Variants in MAGI2 observed in about 807,000 individuals in gnomAD.
The protein encoded by MAGI2 is membrane associated guanylate kinase, WW and PDZ domain containing 2.
In MAGI2, 35 loss-of-function variants were observed where a neutral mutation model predicts 133.3. The observed-to-expected ratio is 0.26, with a 90% CI of 0.20 to 0.35. The LOEUF is 0.35. MAGI2 is among the 10% of genes least tolerant of loss of function. MAGI2 has a pLI of 1.00. For missense variants in MAGI2, 1,636 were observed against 1,863.4 expected (o/e 0.88, Z 2.25); for synonymous variants, 729 against 710.6 (o/e 1.03, Z -0.41).
At chr7:78,084,593 TGAG>T (rs2151200101) in intron 20 of MAGI2, among the ~76,000 whole-genome samples, 1 of 152,324 alleles carries the variant, frequency 6.6e-6, no homozygotes, top group East Asian at 1.9e-4. Flanking sequence ...GGAGACCAAA[TGAG>T]GCTTCAGTAC....
chr7:78,461,816 CAGG>C (rs1257643604), intron 6 of MAGI2, among the ~76,000 whole-genome samples: 1 of 145,614 alleles, frequency 6.9e-6, no homozygotes, highest in African/African-American at 2.5e-5. Flanking sequence ...GAGGCTGAGG[CAGG>C]AGAATTGCTT....
intron 9 of MAGI2, among the ~76,000 whole-genome samples, chr7:78,265,458 G>A (rs1005637694): frequency 2.6e-4 from 40 of 152,184 alleles, no homozygotes; most frequent in African/African-American, 9.4e-4. Flanking sequence ...TTTCTCTAAA[G>A]AATGTAGTGA....
At chr7:79,359,310 G>A (rs1387362655) in intron 1 of MAGI2, among the ~76,000 whole-genome samples, 1 of 151,988 alleles carries the variant, frequency 6.6e-6, no homozygotes, top group African/African-American at 2.4e-5. Context: ...ACAGTAGAGA[G>A]AAAATAAACT....
intron 3 of MAGI2, among the ~76,000 whole-genome samples, chr7:78,587,202 G>A (rs1468149001): frequency 6.6e-6 from 1 of 152,152 alleles, no homozygotes; most frequent in Non-Finnish European, 1.5e-5. Context: ...CACCAGAAAT[G>A]TACAAGAGTT....
chr7:78,406,983 A>G (rs753059261), intron 6 of MAGI2, among the ~76,000 whole-genome samples: 7 of 152,100 alleles, frequency 4.6e-5, no homozygotes, highest in South Asian at 2.1e-4. Context: ...TGCAGCACAA[A>G]AAAAGCCCAA....
At chr7:78,345,098 C>T (rs1790761467) in intron 8 of MAGI2, among the ~76,000 whole-genome samples, 1 of 152,146 alleles carries the variant, frequency 6.6e-6, no homozygotes, top group Non-Finnish European at 1.5e-5. Context: ...TTCTATTAGA[C>T]TTCTGCTTTT....
chr7:79,198,009 G>T (rs1479842966), intron 1 of MAGI2, among the ~76,000 whole-genome samples: 3 of 151,922 alleles, frequency 2.0e-5, no homozygotes, highest in Non-Finnish European at 4.4e-5. Context: ...CACTTTGGGA[G>T]ACCAAGGAGA....
chr7:79,398,865 C>CAGAT (rs1185745730), intron 1 of MAGI2, among the ~76,000 whole-genome samples: 1 of 151,994 alleles, frequency 6.6e-6, no homozygotes, highest in Non-Finnish European at 1.5e-5. Flanking sequence ...TAGCAAAATA[C>CAGAT]AGATGTAAGG....
At chr7:78,580,077 T>A (rs1182478872) in intron 3 of MAGI2, among the ~76,000 whole-genome samples, 1 of 151,818 alleles carries the variant, frequency 6.6e-6, no homozygotes, top group Non-Finnish European at 1.5e-5. Context: ...TGAAGTAACT[T>A]TTTTTATAAT....
chr7:78,496,863 G>A (rs1794130792), intron 5 of MAGI2, among the ~76,000 whole-genome samples: 1 of 151,996 alleles, frequency 6.6e-6, no homozygotes, highest in African/African-American at 2.4e-5. Flanking sequence ...GTATTCTCAG[G>A]GTTTAGAATG....
intron 6 of MAGI2, among the ~76,000 whole-genome samples, chr7:78,487,965 G>A (rs748274159): frequency 6.6e-6 from 1 of 151,892 alleles, no homozygotes; most frequent in Non-Finnish European, 1.5e-5. Context: ...TAAAACACAG[G>A]TAACAATATT....
chr7:78,263,675 CA>C (rs1276464879), intron 9 of MAGI2, among the ~76,000 whole-genome samples: 5 of 152,092 alleles, frequency 3.3e-5, no homozygotes, highest in Non-Finnish European at 7.4e-5. Flanking sequence ...CCAGCGGCTG[CA>C]AAGCACTAGA....
At chr7:78,911,964 C>T (rs371816947) in intron 2 of MAGI2, among the ~76,000 whole-genome samples, 69 of 152,150 alleles carry the variant, frequency 4.5e-4, no homozygotes, top group East Asian at 9.6e-4. Context: ...ATGTCTTTTA[C>T]GGGAACACAG....
chr7:78,153,100 T>C (rs963394462), intron 16 of MAGI2, among the ~76,000 whole-genome samples: 3 of 152,222 alleles, frequency 2.0e-5, no homozygotes, highest in Non-Finnish European at 4.4e-5. Flanking sequence ...TCAAAGTTTA[T>C]AATGACATAG....
At chr7:78,475,116 C>T (rs976302445) in intron 6 of MAGI2, among the ~76,000 whole-genome samples, 6 of 151,938 alleles carry the variant, frequency 3.9e-5, no homozygotes, top group African/African-American at 1.4e-4. Context: ...TGAATTCCAG[C>T]CCTGAGGAAG....
At chr7:78,995,211 A>AG (rs1806168734) in intron 2 of MAGI2, among the ~76,000 whole-genome samples, 1 of 152,020 alleles carries the variant, frequency 6.6e-6, no homozygotes, top group Admixed American at 6.6e-5. Flanking sequence ...GTCTTAAAAG[A>AG]GTTTACAAGT....
At chr7:78,558,807 C>G (rs1011742416) in intron 3 of MAGI2, among the ~76,000 whole-genome samples, 2 of 147,490 alleles carry the variant, frequency 1.4e-5, no homozygotes, top group African/African-American at 5.0e-5. Flanking sequence ...GCTTTTGCAG[C>G]TATTCTAACA....
At chr7:78,304,314 C>A (rs1798080465) in intron 9 of MAGI2, among the ~76,000 whole-genome samples, 1 of 152,194 alleles carries the variant, frequency 6.6e-6, no homozygotes, top group African/African-American at 2.4e-5. Context: ...CTCTCCTTAG[C>A]TCTTGCCACT....
chr7:78,777,748 G>C (rs975086223), intron 2 of MAGI2, among the ~76,000 whole-genome samples: 1 of 152,088 alleles, frequency 6.6e-6, no homozygotes, highest in African/African-American at 2.4e-5. Flanking sequence ...ATTATAATGG[G>C]CCGAGTGAAA....
Sources: gnomAD v4.1 joint callset for allele counts (sites outside exome capture counted in the v4.1 genomes callset) on GRCh38, gnomAD v4.1.1 for gene constraint, MANE v1.5 for transcripts, NCBI Gene and HGNC (gene_info 2026-07-23, HGNC 2026-07-21) for gene names.